LRRIQ1: variants seen among roughly 807,000 people sequenced by gnomAD.
The protein encoded by LRRIQ1 is leucine-rich repeat- and IQ domain-containing protein 1.
Under a neutral mutation model 211.9 loss-of-function variants are expected in LRRIQ1, and 210 were observed. The ratio of observed to expected loss-of-function variants is 0.99; its 90% CI spans 0.89 to 1.11. LRRIQ1 has a LOEUF of 1.11. Among genes scored for constraint, LRRIQ1 ranks in the 50% most tolerant of loss-of-function variants. The pLI, the probability that LRRIQ1 is intolerant of heterozygous loss-of-function variation, is 0.00. For missense variants in LRRIQ1, 2,136 were observed against 1,939.5 expected (o/e 1.10, Z -1.90); for synonymous variants, 699 against 650.1 (o/e 1.08, Z -1.14).
chr12:85,178,561 G>A (rs1000000145), intron 24 of LRRIQ1, among the ~76,000 whole-genome samples: 2 of 151,850 alleles, frequency 1.3e-5, no homozygotes, highest in South Asian at 4.2e-4. Context: ...TAACCTCTTA[G>A]TTACTAAATT....
intron 13 of LRRIQ1, among the ~76,000 whole-genome samples, chr12:85,103,454 T>G (rs868473859): frequency 6.6e-6 from 1 of 151,816 alleles, no homozygotes; most frequent in Non-Finnish European, 1.5e-5. Context: ...CTTACAGTAC[T>G]ATAATACTTT....
intron 11 of LRRIQ1, among the ~76,000 whole-genome samples, chr12:85,075,271 G>A (rs186862785): frequency 4.2e-4 from 64 of 152,086 alleles, no homozygotes; most frequent in Admixed American, 9.8e-4. Flanking sequence ...ACATAGTGGG[G>A]CCCTGCCTCT....
At chr12:85,080,889 G>A (rs942432001) in intron 11 of LRRIQ1, among the ~76,000 whole-genome samples, 2 of 151,058 alleles carry the variant, frequency 1.3e-5, no homozygotes, top group Non-Finnish European at 2.9e-5. Context: ...TTATTATTTG[G>A]CAGACAGAGA....
At chr12:85,269,219 C>T (rs113626340), downstream of LRRIQ1, among the ~76,000 whole-genome samples, 278 of 151,914 alleles carry the variant, frequency 1.8e-3, 2 homozygotes, top group African/African-American at 6.3e-3. Context: ...TACCCTGATA[C>T]CTGTCCAATC....
At chr12:85,171,061 G>A (rs535773518) in intron 24 of LRRIQ1, among the ~76,000 whole-genome samples, 5 of 152,144 alleles carry the variant, frequency 3.3e-5, no homozygotes, top group African/African-American at 7.2e-5. Flanking sequence ...AACAAGAGAC[G>A]ATGTAAGTAG....
intron 24 of LRRIQ1, among the ~76,000 whole-genome samples, chr12:85,217,670 G>A (rs1326505795): frequency 7.7e-6 from 1 of 129,556 alleles, no homozygotes; most frequent in African/African-American, 4.0e-5. Flanking sequence ...ATGTATATAT[G>A]TGTATATATG....
At chr12:85,239,545 GA>G (rs1373085261) in intron 26 of LRRIQ1, among the ~76,000 whole-genome samples, 6 of 151,938 alleles carry the variant, frequency 3.9e-5, no homozygotes, top group South Asian at 2.1e-4. Flanking sequence ...TCAAGGGGGG[GA>G]AAGATAACCC....
chr12:85,123,902 T>C (rs1334353673), intron 16 of LRRIQ1, among the ~76,000 whole-genome samples, 168 bp from the exon 17 acceptor site: 1 of 152,188 alleles, frequency 6.6e-6, no homozygotes, highest in Non-Finnish European at 1.5e-5. Flanking sequence ...AATTTTGTTA[T>C]AAACGAGATC....
intron 13 of LRRIQ1, among the ~76,000 whole-genome samples, 155 bp downstream of exon 13, chr12:85,099,149 A>G (rs1351320478): frequency 6.6e-6 from 1 of 151,874 alleles, no homozygotes; most frequent in Non-Finnish European, 1.5e-5. Flanking sequence ...ACATTATAGA[A>G]TTTTTAAAAA....
chr12:85,231,240 C>T (rs1894923744), intron 25 of LRRIQ1, among the ~76,000 whole-genome samples: 1 of 151,880 alleles, frequency 6.6e-6, no homozygotes. Flanking sequence ...TATATATAAA[C>T]CTAACTTTAA....
the LRRIQ1 span, among the ~76,000 whole-genome samples, chr12:85,272,582 G>A: frequency 6.6e-6 from 1 of 151,750 alleles, no homozygotes; most frequent in Non-Finnish European, 1.5e-5. Context: ...ATTCTTTAAA[G>A]CCTTTTTTTT....
At chr12:85,150,031 T>C (rs1024624044) in intron 19 of LRRIQ1, among the ~76,000 whole-genome samples, 2 of 151,792 alleles carry the variant, frequency 1.3e-5, no homozygotes, top group African/African-American at 2.4e-5. Context: ...TGTGGGATCT[T>C]GTCCTGCTGA....
At chr12:85,039,916 T>C (rs1160041830) in intron 2 of LRRIQ1, among the ~76,000 whole-genome samples, 1 of 151,594 alleles carries the variant, frequency 6.6e-6, no homozygotes, top group Non-Finnish European at 1.5e-5. Flanking sequence ...ACGGTGTTTA[T>C]GGAGGAAGGA....
At chr12:85,105,344 T>C (rs185035221) in intron 14 of LRRIQ1, among the ~76,000 whole-genome samples, 256 of 152,264 alleles carry the variant, frequency 1.7e-3, no homozygotes, top group African/African-American at 5.9e-3. Flanking sequence ...AGGCCTATGA[T>C]CCCTCTCAAA....
At chr12:85,230,816 G>A (rs887387952) in intron 25 of LRRIQ1, among the ~76,000 whole-genome samples, 2 of 151,498 alleles carry the variant, frequency 1.3e-5, no homozygotes, top group Non-Finnish European at 2.9e-5. Context: ...TTGGGAGGCC[G>A]AGGCGGGCGG....
At chr12:85,083,082 A>T (rs1229454012) in intron 11 of LRRIQ1, among the ~76,000 whole-genome samples, 3 of 152,148 alleles carry the variant, frequency 2.0e-5, no homozygotes, top group Non-Finnish European at 4.4e-5. Flanking sequence ...AAGAGATTTA[A>T]CTTTCAGCAA....
chr12:85,078,569 C>T (rs1001551497), intron 11 of LRRIQ1, among the ~76,000 whole-genome samples: 19 of 152,056 alleles, frequency 1.2e-4, no homozygotes, highest in Non-Finnish European at 2.8e-4. Flanking sequence ...TATTTTTTTA[C>T]TTTAAATGTT....
intron 1 of LRRIQ1, among the ~76,000 whole-genome samples, chr12:85,259,355 A>G (rs1264665227): frequency 6.6e-6 from 1 of 152,018 alleles, no homozygotes; most frequent in Non-Finnish European, 1.5e-5. Flanking sequence ...ATGATTATAC[A>G]TTGACCATAT....
At chr12:85,088,443 C>T (rs1885057176) in intron 11 of LRRIQ1, among the ~76,000 whole-genome samples, 1 of 151,910 alleles carries the variant, frequency 6.6e-6, no homozygotes, top group South Asian at 2.1e-4. Flanking sequence ...TTTTTTGGTT[C>T]CATATGAACT....
Sources: allele counts gnomAD v4.1 joint callset (sites outside exome capture counted in the v4.1 genomes callset), GRCh38; gene constraint gnomAD v4.1.1; transcripts MANE v1.5; gene names NCBI Gene and HGNC (gene_info 2026-07-23, HGNC 2026-07-21).